DLGAP1: variants seen among roughly 807,000 people sequenced by gnomAD.
DLGAP1 encodes the protein DLG associated protein 1.
Under a neutral mutation model 90.8 loss-of-function variants are expected in DLGAP1, and 11 were observed. The ratio of observed to expected loss-of-function variants is 0.12; its 90% confidence interval spans 0.08 to 0.20. DLGAP1 has a LOEUF of 0.20. Ranked by LOEUF, DLGAP1 falls within the 10% of genes least tolerant of loss-of-function variation. DLGAP1 has a pLI of 1.00. For missense variants in DLGAP1, 1,050 were observed against 1,333.8 expected, an observed-to-expected ratio of 0.79 and a Z score of 3.31; for synonymous variants, 558 against 540.7, an observed-to-expected ratio of 1.03 and a Z score of -0.44.
chr18:4,264,058 C>T (rs952842772), intron 1 of DLGAP1, among the ~76,000 whole-genome samples: 1 of 152,112 alleles, frequency 6.6e-6, no homozygotes, highest in Non-Finnish European at 1.5e-5. Context: ...TGTTAAATTA[C>T]GTTCTGTAGG....
At chr18:3,967,758 T>C (rs1378734260) in intron 3 of DLGAP1, among the ~76,000 whole-genome samples, 1 of 152,208 alleles carries the variant, frequency 6.6e-6, no homozygotes, top group African/African-American at 2.4e-5. Context: ...GGCTTCAGAC[T>C]ATGTGGAGCT....
Position 3,534,563 on chromosome 18 carries a change from G to A in DLGAP1, c.2110C>T (p.Leu704=). ...NSVTTAVQAD[L]DFHDNLENSL... ...TTTTCCAGATTATCATGGAAGTCCA[G>A]GTCGGCCTGTACTGCTGTCGTCACA... The change falls in exon 10 of 13, where the codon CTG becomes TTG. Residue 704 remains leucine (L), a synonymous_variant. Transcript: ENST00000315677. The A allele has an allele frequency of 6.2e-7, 1 of 1,612,848 alleles. No individual in the cohort carries two copies.
At chr18:3,866,604 C>T (rs1353804479) in intron 4 of DLGAP1, among the ~76,000 whole-genome samples, 3 of 152,178 alleles carry the variant, frequency 2.0e-5, no homozygotes, top group Admixed American at 2.0e-4. Context: ...TTAAAAAGTA[C>T]AAAATGCACT....
At chr18:4,113,433 T>C (rs959376018) in intron 2 of DLGAP1, among the ~76,000 whole-genome samples, 5 of 152,172 alleles carry the variant, frequency 3.3e-5, no homozygotes, top group Non-Finnish European at 7.4e-5. Flanking sequence ...TTCATGTCTT[T>C]TGACATGAAC....
chr18:4,405,645 CACTCTTACACTTAAT>C (rs2082646781), intron 1 of DLGAP1, among the ~76,000 whole-genome samples: 1 of 152,048 alleles, frequency 6.6e-6, no homozygotes, highest in South Asian at 2.1e-4. Flanking sequence ...TGACATTTTA[CACTCTTACACTTAAT>C]ACAAAGTGGC....
At chr18:3,643,534 G>T (rs2059012779) in intron 7 of DLGAP1, among the ~76,000 whole-genome samples, 1 of 151,948 alleles carries the variant, frequency 6.6e-6, no homozygotes, top group Non-Finnish European at 1.5e-5. Context: ...GTGGTGGCAG[G>T]CGCCTGTAGT....
rs928553355 is a variant in DLGAP1 at position 4,090,413 on chromosome 18, C to T, written c.-159+60767G>A. Among the ~76,000 whole-genome samples the T allele has an allele frequency of 4.6e-5, 7 of 152,008 alleles. No individual in the cohort carries two copies. In the East Asian group the frequency reaches 1.2e-3, roughly 25 times the overall value. ...AACACATTTACAAGAAAAAAACCAC[C>T]CCATCAAAAAGCGGGCAAAGGACAT... is the stretch of plus-strand genomic sequence containing the variant. On this transcript the variant is annotated intron_variant, in intron 2 of 12. Coordinates refer to ENST00000315677, the MANE Select transcript of DLGAP1 (RefSeq NM_004746.4).
At chr18:3,724,669 G>T (rs534726633) in intron 7 of DLGAP1, among the ~76,000 whole-genome samples, 6 of 151,816 alleles carry the variant, frequency 4.0e-5, no homozygotes, top group Non-Finnish European at 7.4e-5. Flanking sequence ...CACTTGAGGC[G>T]GAGGTTGCAG....
intron 7 of DLGAP1, among the ~76,000 whole-genome samples, chr18:3,726,801 T>C (rs932746703): frequency 2.6e-5 from 4 of 152,202 alleles, no homozygotes; most frequent in African/African-American, 9.7e-5. Flanking sequence ...CCTTAAATCC[T>C]TGCAGGGGCA....
At chr18:4,091,517 A>G (rs1296546911) in intron 2 of DLGAP1, among the ~76,000 whole-genome samples, 1 of 152,080 alleles carries the variant, frequency 6.6e-6, no homozygotes, top group African/African-American at 2.4e-5. Flanking sequence ...ATATTCAATC[A>G]TTTGATATTG....
chr18:4,049,496 C>T (rs1264827275), intron 2 of DLGAP1, among the ~76,000 whole-genome samples: 2 of 152,152 alleles, frequency 1.3e-5, no homozygotes, highest in African/African-American at 4.8e-5. Context: ...CACCATATCC[C>T]TGTTCTAAAA....
intron 9 of DLGAP1, among the ~76,000 whole-genome samples, chr18:3,562,711 ATT>A (rs112224743): frequency 2.8e-5 from 4 of 143,700 alleles, no homozygotes; most frequent in African/African-American, 7.7e-5. Context: ...CGCCTGGTTA[ATT>A]TTTTTTTTTT....
At chr18:3,677,949 G>C (rs1471925544) in intron 7 of DLGAP1, among the ~76,000 whole-genome samples, 16 of 130,122 alleles carry the variant, frequency 1.2e-4, no homozygotes, top group Admixed American at 4.3e-4. Flanking sequence ...GTGAGCCACT[G>C]TGCCCGGTGG....
chr18:4,392,347 T>G (rs2082356256), intron 1 of DLGAP1, among the ~76,000 whole-genome samples: 1 of 152,160 alleles, frequency 6.6e-6, no homozygotes, highest in South Asian at 2.1e-4. Context: ...ACTTATTGTT[T>G]GATTGGGCCC....
rs112561417 is a variant in DLGAP1, at chr18:4,014,750, C to G, written c.-158-9549G>C. Among the ~76,000 whole-genome samples the G allele has an allele frequency of 4.6e-5, 7 of 152,250 alleles. 1 individual carries two copies. The highest frequency in any genetic ancestry group is 1.4e-4 in the African/African-American group (6 of 41,554). ...TATTAATTATAGTGTAAATATTAGA[C>G]TAGAGCCATTCTGGACAAGCACCTG... On this transcript the variant is annotated intron_variant, in intron 2 of 12. Transcript: ENST00000315677.
intron 1 of DLGAP1, among the ~76,000 whole-genome samples, chr18:4,432,793 C>T (rs12605054): frequency 6.6e-6 from 1 of 152,230 alleles, no homozygotes; most frequent in Admixed American, 6.5e-5. Context: ...CTCACCAGCT[C>T]TAAGGAATAT....
chr18:3,911,480 T>C (rs951450284), intron 3 of DLGAP1, among the ~76,000 whole-genome samples: 2 of 152,236 alleles, frequency 1.3e-5, no homozygotes, highest in Non-Finnish European at 1.5e-5. Context: ...ATGTATTCCC[T>C]AGACTCTGTC....
At position 3,538,756 on chromosome 18, in the gene DLGAP1, C is replaced by G. The variant is rs111610888; in HGVS notation, c.2058-4141G>C. Among the ~76,000 whole-genome samples, 784 of 152,342 alleles carry G rather than the reference C, an allele frequency of 5.1e-3. 9 individuals carry two copies. The highest frequency in any genetic ancestry group is 0.018 in the African/African-American group (744 of 41,580). On this transcript the variant is annotated intron_variant, in intron 9 of 12. Coordinates refer to ENST00000315677, the MANE Select transcript of DLGAP1 (RefSeq NM_004746.4). ...CAAACTTAAAGAAGTACTAGTCCCT[C>G]ATTGTTTTCAATCAGAGCAAACTGC...
chr18:3,936,479 T>C (rs2072643232), intron 3 of DLGAP1, among the ~76,000 whole-genome samples: 1 of 152,214 alleles, frequency 6.6e-6, no homozygotes, highest in Non-Finnish European at 1.5e-5. Context: ...AAAGGATGGC[T>C]TCCCCCTTGT....
Sources: gnomAD v4.1 joint callset for allele counts (sites outside exome capture counted in the v4.1 genomes callset) on GRCh38, gnomAD v4.1.1 for gene constraint, MANE v1.5 for transcripts, NCBI Gene and HGNC (gene_info 2026-07-23, HGNC 2026-07-21) for gene names.